Variants in SHOX observed in about 807,000 individuals in gnomAD.
The protein encoded by SHOX is SHOX homeobox.
A neutral mutation model predicts 29.6 loss-of-function variants in SHOX; 12 were observed. The observed-to-expected ratio is 0.41, with a 90% CI of 0.26 to 0.66. The LOEUF (loss-of-function observed/expected upper bound fraction) is 0.66. Ranked by LOEUF, SHOX falls within the 30% of genes least tolerant of loss-of-function variation. SHOX has a pLI of 0.35. For synonymous variants in SHOX, 214 were observed against 200.6 expected, an observed-to-expected ratio of 1.07 and a Z score of -0.57; for missense variants, 499 against 437.7, an observed-to-expected ratio of 1.14 and a Z score of -1.25.
rs1213579097 is a variant in SHOX at position 650,671 on chromosome X, T to G, written c.*6035T>G. Among the ~76,000 whole-genome samples, 1 of 151,400 alleles carries G rather than the reference T, an allele frequency of 6.6e-6. No homozygotes were observed. The highest frequency in any genetic ancestry group is 1.5e-5 in the Non-Finnish European group (1 of 67,900). The stretch of plus-strand genomic sequence containing the variant: ...AGTTTTCCCGGGGACATAGCGAGGA[T>G]GGCACACGGCAGCCACTCCCACGAC... On this transcript the variant is annotated 3_prime_UTR_variant, in exon 5 of 5. Coordinates refer to ENST00000686671, the MANE Select transcript of SHOX (RefSeq NM_000451.4).
At chrX:638,348 G>C (rs1267277606) in intron 2 of SHOX, among the ~76,000 whole-genome samples, 4 of 152,042 alleles carry the variant, frequency 2.6e-5, no homozygotes, top group Non-Finnish European at 5.9e-5. Flanking sequence ...TGCCCTTCCA[G>C]AGGCTTTTGG....
At chrX:636,384 T>C in intron 2 of SHOX, among the ~76,000 whole-genome samples, 1 of 70,074 alleles carries the variant, frequency 1.4e-5, no homozygotes, top group South Asian at 4.0e-4. Flanking sequence ...AAACATATTG[T>C]ATATATATAA....
intron 1 of SHOX, chrX:631,781 C>G: frequency 2.4e-6 from 1 of 415,934 alleles, no homozygotes; most frequent in Admixed American, 2.5e-5. Flanking sequence ...ATCCACCCGC[C>G]TCGGCCTCCC....
chrX:641,044 C>T lies in SHOX; in HGVS notation c.590C>T (p.Ala197Val). 1 of 1,613,862 alleles carries T rather than the reference C, an allele frequency of 6.2e-7. No homozygotes were observed. Residue 197 changes from alanine to valine, a missense_variant, in exon 4 of 5, where the codon GCA (alanine) becomes GTA (valine). Ala to Val is a moderately conservative substitution (Grantham distance 64, BLOSUM62 0). Transcript: ENST00000686671. The part of the protein sequence containing the change: ...TANHLDACRV[A>V]PYVNMGALRM... ...AACCACCTAGACGCCTGCCGAGTGG[C>T]ACCCTACGTCAACATGGGAGCCTTA... is the stretch of plus-strand genomic sequence containing the variant.
intron 2 of SHOX, among the ~76,000 whole-genome samples, chrX:637,533 T>A (rs942763886): frequency 6.6e-6 from 1 of 151,298 alleles, no homozygotes; most frequent in Non-Finnish European, 1.5e-5. Flanking sequence ...GGTTATCGAT[T>A]GCAGGGGTCG....
At chrX:626,948 TTC>T (rs1257579482), upstream of SHOX, among the ~76,000 whole-genome samples, 3 of 148,812 alleles carry the variant, frequency 2.0e-5, no homozygotes, top group Non-Finnish European at 4.5e-5. Flanking sequence ...CTCTCTCTTT[TTC>T]TCTCTCTGTC....
At chrX:636,970 A>ATATATATATATATATATATATATATATTT (rs1458275715) in intron 2 of SHOX, among the ~76,000 whole-genome samples, 1 of 137,322 alleles carries the variant, frequency 7.3e-6, no homozygotes, top group African/African-American at 2.8e-5. Context: ...ATATATATAT[A>ATATATATATATATATATATATATATATTT]TTTTGGCTCC....
chrX:631,359 C>T (rs2052645220), intron 1 of SHOX, 185 bp downstream of exon 1: 1 of 321,920 alleles, frequency 3.1e-6, no homozygotes, highest in Non-Finnish European at 4.5e-6. Context: ...CGACCGGAGA[C>T]GCGGGTGGTG....
downstream of SHOX, among the ~76,000 whole-genome samples, chrX:653,914 T>A (rs2053101992): frequency 7.0e-6 from 1 of 141,890 alleles, no homozygotes; most frequent in African/African-American, 2.9e-5. Context: ...TTCTTGGAGT[T>A]GTCGTTAAAA....
intron 1 of SHOX, among the ~76,000 whole-genome samples, chrX:633,048 A>T (rs1183631313): frequency 6.6e-6 from 1 of 152,144 alleles, no homozygotes; most frequent in African/African-American, 2.4e-5. Flanking sequence ...GCCACAGGAG[A>T]GGAGACAGAG....
exon 6 of SHOX, chrX:659,320 C>G (rs889626266): frequency 2.0e-5 from 3 of 152,042 alleles, no homozygotes; most frequent in African/African-American, 7.3e-5. Context: ...CTCCTGAGCT[C>G]CAAAGATCCT....
chrX:634,487 C>CCA, intron 1 of SHOX, 131 bp from the exon 2 acceptor site: 1 of 931,028 alleles, frequency 1.1e-6, no homozygotes, highest in Admixed American at 2.0e-5. Flanking sequence ...CTTATGGACC[C>CCA]CACGCAGTTT....
intron 1 of SHOX, chrX:631,751 C>A (rs2052654390): frequency 2.6e-6 from 1 of 379,900 alleles, no homozygotes. Flanking sequence ...AGGCTGGTCT[C>A]GAACTCCTGA....
rs1237152126 is a variant in SHOX, at chrX:651,489, T to C, written c.*6853T>C. ...CTCCTAACGTTCAATAATCTCAATGTTGAGTTGCAGCAACAGACTGTATTT... is the reference window on the plus strand; with the variant it reads ...CTCCTAACGTTCAATAATCTCAATGCTGAGTTGCAGCAACAGACTGTATTT... On this transcript the variant is annotated 3_prime_UTR_variant, in exon 5 of 5. Transcript: ENST00000686671. 4.6e-6 allele frequency: 2 copies of C among 437,728 alleles called. No homozygotes were observed. Among genetic ancestry groups the C allele is most frequent in the Non-Finnish European group, 9.1e-6 (2 of 219,830 alleles). 27.1% of individuals were successfully genotyped at this position (437,728 alleles called of 1,614,324 possible). A position where few individuals can be genotyped will look rare whatever the true frequency, so the allele number is the denominator to read the frequency against.
rs774158334 is a variant in SHOX at position 633,264 on chromosome X, G to A, written c.278-1354G>A. On this transcript the variant is annotated intron_variant, in intron 1 of 4. Coordinates refer to ENST00000686671, the MANE Select transcript of SHOX (RefSeq NM_000451.4). ...AGCCCGTGGGTTCTGCAAAGCCTGCGGGTGTTTGAGGACTTTGAAGACCAG... is the reference window on the plus strand; with the variant it reads ...AGCCCGTGGGTTCTGCAAAGCCTGCAGGTGTTTGAGGACTTTGAAGACCAG... Among the ~76,000 whole-genome samples, 6 of 152,218 alleles carry A rather than the reference G, an allele frequency of 3.9e-5. No individual in the cohort carries two copies. The East Asian group carries it at 9.6e-4, about 24-fold the overall frequency.
Position 641,037 on chromosome X carries a change from C to T in SHOX, c.583C>T (p.Arg195Ter), listed in dbSNP as rs137852552. The T allele has an allele frequency of 6.2e-6, 10 of 1,613,720 alleles. No individual in the cohort carries two copies. The highest frequency in any genetic ancestry group is 8.5e-6 in the Non-Finnish European group (10 of 1,179,836). The change falls in exon 4 of 5, where the codon CGA (arginine) becomes TGA (stop). Residue 195 changes from arginine to a stop codon, truncating the protein, a stop_gained. Coordinates refer to ENST00000686671, the MANE Select transcript of SHOX (RefSeq NM_000451.4). LOFTEE classifies it high-confidence loss of function. ...CACAGCCAACCACCTAGACGCCTGC[C>T]GAGTGGCACCCTACGTCAACATGGG... ...LGTANHLDAC[R>*]VAPYVNMGAL...
upstream of SHOX, chrX:630,367 G>C (rs775494811): frequency 1.9e-3 from 298 of 158,154 alleles, 2 homozygotes; most frequent in African/African-American, 6.7e-3. Flanking sequence ...AGATCCAGGC[G>C]CCGGGCTCTG....
intron 2 of SHOX, among the ~76,000 whole-genome samples, chrX:636,079 G>A (rs1276179076): frequency 6.6e-6 from 1 of 151,560 alleles, no homozygotes; most frequent in African/African-American, 2.4e-5. Flanking sequence ...AGCAGAGGAA[G>A]ATACAGATGC....
At chrX:631,199 CA>C in intron 1 of SHOX, 25 bp downstream of exon 1, 1 of 1,611,970 alleles carries the variant, frequency 6.2e-7, no homozygotes, top group Non-Finnish European at 8.5e-7. Flanking sequence ...GCTCCGGCTC[CA>C]GGGGGGCCCT....
Sources: gnomAD v4.1 joint callset for allele counts (sites outside exome capture counted in the v4.1 genomes callset) on GRCh38, gnomAD v4.1.1 for gene constraint, MANE v1.5 for transcripts, NCBI Gene and HGNC (gene_info 2026-07-23, HGNC 2026-07-21) for gene names.